Variants in SPTBN4 observed in about 807,000 individuals in gnomAD.
SPTBN4 encodes the protein spectrin beta chain, non-erythrocytic 4.
In SPTBN4, 96 loss-of-function variants were observed where a neutral mutation model predicts 277.8. The ratio of observed to expected loss-of-function variants is 0.35; its 90% confidence interval spans 0.29 to 0.41. SPTBN4 has a LOEUF of 0.41. Ranked by LOEUF, SPTBN4 falls within the 10% of genes least tolerant of loss-of-function variation. The probability of loss-of-function intolerance (pLI) is 1.00; values close to 1 mark genes in which losing one functional copy is unlikely to be tolerated. For synonymous variants in SPTBN4, 1,481 were observed against 1,580.3 expected (o/e 0.94, Z 1.49); for missense variants, 3,006 against 3,595.7 (o/e 0.84, Z 4.19).
At chr19:40,509,218 G>T (rs577886674) in intron 13 of SPTBN4, among the ~76,000 whole-genome samples, 118 of 151,180 alleles carry the variant, frequency 7.8e-4, no homozygotes, top group African/African-American at 2.8e-3. Flanking sequence ...CATTGTCCCT[G>T]GCCATTTCTG....
chr19:40,567,883 A>G lies in SPTBN4; in HGVS notation c.6557A>G (p.Glu2186Gly). 1.3e-6 allele frequency: 2 copies of G among 1,523,874 alleles called. No individual in the cohort carries two copies. Among genetic ancestry groups the G allele is most frequent in the South Asian group, 1.2e-5 (1 of 81,942 alleles). The allele number at this position is 1,523,874 out of a possible 1,614,324, so 94.4% of individuals were successfully genotyped here. ...VGYVRQELKP[E>G]RLQPRIDRLP... is the part of the protein sequence containing the mutation. ...TATGTGCGCCAGGAGCTCAAGCCCG[A>G]GCGCCTCCAGCCGCGCATTGACCGG... is the stretch of plus-strand genomic sequence containing the variant. Residue 2186 changes from glutamate to glycine, a missense_variant, in exon 31 of 36, where the codon GAG becomes GGG. Physicochemically the swap from Glu to Gly is moderately conservative, Grantham distance 98. Around this residue, in one of 5 missense-constraint regions of SPTBN4, gnomAD observed 630 missense variants for 677.6 expected, o/e 0.93. Coordinates refer to ENST00000598249, the MANE Select transcript of SPTBN4 (RefSeq NM_020971.3).
At chr19:40,481,805 T>G (rs1350580514) in intron 2 of SPTBN4, among the ~76,000 whole-genome samples, 1 of 152,002 alleles carries the variant, frequency 6.6e-6, no homozygotes, top group Middle Eastern at 3.2e-3. Context: ...TTTAGCCATT[T>G]TGGTGGCTGT....
At chr19:40,498,373 T>TTTTTTTTA (rs1555812374) in intron 7 of SPTBN4, among the ~76,000 whole-genome samples, 12 of 141,162 alleles carry the variant, frequency 8.5e-5, no homozygotes, top group East Asian at 4.3e-4. Flanking sequence ...TTTTATTTTA[T>TTTTTTTTA]TTTATTTATT....
rs2081202597 is a variant in SPTBN4 at position 40,576,326 on chromosome 19, C to A, written c.*757C>A. 1 of 152,704 alleles carries A rather than the reference C, an allele frequency of 6.5e-6. No homozygotes were observed. Among genetic ancestry groups the A allele is most frequent in the Admixed American group, 6.5e-5 (1 of 15,278 alleles). The allele number at this position is 152,704 out of a possible 1,614,324, so 9.5% of individuals were successfully genotyped here. A position where few individuals can be genotyped will look rare whatever the true frequency, so the allele number is the denominator to read the frequency against. On this transcript the variant is annotated 3_prime_UTR_variant, in exon 36 of 36. Transcript: ENST00000598249. ...CCCCTGCATGCTTCTGGCTGGAGCACCTCCCTGGGGAGTCGGGGGATTGGG... is the reference window on the plus strand; with the variant it reads ...CCCCTGCATGCTTCTGGCTGGAGCAACTCCCTGGGGAGTCGGGGGATTGGG...
intron 13 of SPTBN4, among the ~76,000 whole-genome samples, chr19:40,510,074 G>A (rs1342686994): frequency 3.9e-5 from 6 of 152,070 alleles, no homozygotes; most frequent in South Asian, 2.1e-4. Flanking sequence ...TGGGGAGTGC[G>A]TTGTCATGGG....
chr19:40,526,767 T>C (rs1414121504), intron 17 of SPTBN4, among the ~76,000 whole-genome samples: 2 of 152,020 alleles, frequency 1.3e-5, no homozygotes, highest in African/African-American at 4.8e-5. Flanking sequence ...CATTCTTTTT[T>C]TGTAGAGATG....
chr19:40,482,788 C>A (rs527296989), intron 2 of SPTBN4, among the ~76,000 whole-genome samples: 2 of 152,002 alleles, frequency 1.3e-5, no homozygotes, highest in Non-Finnish European at 2.9e-5. Context: ...ATGGAGAAAC[C>A]CTGTCTCTAC....
intron 2 of SPTBN4, among the ~76,000 whole-genome samples, chr19:40,475,994 C>T (rs891886529): frequency 8.6e-5 from 13 of 151,902 alleles, no homozygotes; most frequent in Admixed American, 3.9e-4. Flanking sequence ...TGCAGTGAGC[C>T]GAGATTGTGC....
In SPTBN4 at chr19:40,515,327, C is replaced by A; in HGVS notation, c.2782C>A (p.Gln928Lys). 6.2e-7 allele frequency: 1 copy of A among 1,612,734 alleles called. No individual in the cohort carries two copies. The highest frequency in any genetic ancestry group is 8.5e-7 in the Non-Finnish European group (1 of 1,179,572). Residue 928 changes from glutamine to lysine, a missense_variant, in exon 15 of 36, where the codon CAA becomes AAA. This residue lies in a region of SPTBN4 where 1,759 missense variants were observed against 2,061.5 expected (regional missense o/e 0.85). Coordinates refer to ENST00000598249, the MANE Select transcript of SPTBN4 (RefSeq NM_020971.3). The surrounding 1 kb of genome is among the most constrained non-coding windows in gnomAD (Gnocchi z 4.1). ...VVQHRFESLD[Q>K]EMNSLMGRVL... Reference sequence around the variant, plus strand: ...CTCCTGCAGATTCGAGAGCCTGGACCAAGAGATGAACAGCCTGATGGGCCG... The same window carrying A: ...CTCCTGCAGATTCGAGAGCCTGGACAAAGAGATGAACAGCCTGATGGGCCG...
At chr19:40,511,249 CA>C (rs113715245) in intron 13 of SPTBN4, among the ~76,000 whole-genome samples, 73,048 of 150,662 alleles carry the variant, frequency 0.48, 19,698 homozygotes, top group African/African-American at 0.74. Flanking sequence ...ACTAAAAATA[CA>C]AAAAAAAATT....
chr19:40,513,104 C>G lies in SPTBN4; in HGVS notation c.2315C>G (p.Ala772Gly), dbSNP rs1348510271. ...CGGCGAGAGCGGCGGCTGCAGGAGG[C>G]GCGGGCGCTGCACCAGTTCGGCGCT... ...AARRERRLQEARALHQFGADL... is the reference protein window; with the variant it reads ...AARRERRLQEGRALHQFGADL... The change falls in exon 14 of 36, where the codon GCG becomes GGG. Residue 772 changes from alanine to glycine, a missense_variant. Around this residue, in one of 5 missense-constraint regions of SPTBN4, gnomAD observed 1,759 missense variants for 2,061.5 expected, o/e 0.85. Transcript: ENST00000598249. 9.0e-6 allele frequency: 13 copies of G among 1,437,976 alleles called. No individual in the cohort carries two copies. Among genetic ancestry groups the G allele is most frequent in the Admixed American group, 2.8e-5 (1 of 35,418 alleles). 89.1% of individuals were successfully genotyped at this position (1,437,976 alleles called of 1,614,324 possible). A position where few individuals can be genotyped will look rare whatever the true frequency, so the allele number is the denominator to read the frequency against.
intron 20 of SPTBN4, among the ~76,000 whole-genome samples, chr19:40,536,006 C>A (rs754569958): frequency 6.6e-6 from 1 of 152,058 alleles, no homozygotes; most frequent in Non-Finnish European, 1.5e-5. Flanking sequence ...ACTATGTGCC[C>A]GGCACTTTTC....
At chr19:40,573,696 G>A (rs1034365216) in intron 35 of SPTBN4, among the ~76,000 whole-genome samples, 1 of 152,068 alleles carries the variant, frequency 6.6e-6, no homozygotes, top group Admixed American at 6.6e-5. Flanking sequence ...CCAGCTACTC[G>A]GGAGGCTGAG....
At chr19:40,481,756 G>T (rs1186519435) in intron 2 of SPTBN4, among the ~76,000 whole-genome samples, 1 of 151,978 alleles carries the variant, frequency 6.6e-6, no homozygotes, top group African/African-American at 2.4e-5. Context: ...GATTACAGGC[G>T]TGAGCCACCA....
At chr19:40,551,041 TGCTCCTTGG>T (rs1315284223) in intron 22 of SPTBN4, among the ~76,000 whole-genome samples, 1 of 152,212 alleles carries the variant, frequency 6.6e-6, no homozygotes, top group African/African-American at 2.4e-5. Context: ...GGTTTCGGAC[TGCTCCTTGG>T]GCTGGCCTGG....
In SPTBN4 at chr19:40,503,826, C is replaced by T. The variant is rs749252259; in HGVS notation, c.1363-4C>T. The T allele has an allele frequency of 1.3e-6, 2 of 1,574,220 alleles. No homozygotes were observed. The highest frequency in any genetic ancestry group is 2.7e-5 in the African/African-American group (2 of 74,402). On this transcript the variant is annotated splice_polypyrimidine_tract_variant and splice_region_variant and intron_variant, in intron 11 of 35. Coordinates refer to ENST00000598249, the MANE Select transcript of SPTBN4 (RefSeq NM_020971.3). ...ATGGGTGAGTGTCTGGCTCACTGCC[C>T]CAGGACAACTTTGGGTATGAGCTGC...
At chr19:40,553,659 A>G (rs775206058) in intron 22 of SPTBN4, among the ~76,000 whole-genome samples, 1 of 152,210 alleles carries the variant, frequency 6.6e-6, no homozygotes, top group Non-Finnish European at 1.5e-5. Flanking sequence ...GAGCTGGTTG[A>G]GGGAACCTTC....
chr19:40,566,820 C>T (rs2081096604), intron 30 of SPTBN4, among the ~76,000 whole-genome samples: 1 of 151,792 alleles, frequency 6.6e-6, no homozygotes, highest in African/African-American at 2.4e-5. Context: ...CAAAAATTAG[C>T]TGGGCGTGGT....
intron 24 of SPTBN4, 30 bp from the exon 25 acceptor site, chr19:40,556,054 C>T (rs1177356402): frequency 1.3e-6 from 2 of 1,587,046 alleles, no homozygotes; most frequent in East Asian, 2.3e-5. Context: ...TCTCAGGGGT[C>T]CATCCCTGCC....
Sources: allele counts gnomAD v4.1 joint callset (sites outside exome capture counted in the v4.1 genomes callset), GRCh38; gene constraint gnomAD v4.1.1; regional missense constraint gnomAD v4.1.1; non-coding constraint Gnocchi (gnomAD v3.1); transcripts MANE v1.5; gene names NCBI Gene and HGNC (gene_info 2026-07-23, HGNC 2026-07-21).